ROBO2: variants seen among roughly 807,000 people sequenced by gnomAD.
The protein encoded by ROBO2 is roundabout guidance receptor 2.
In ROBO2, 53 loss-of-function variants were observed where a neutral mutation model predicts 160.8. That is an observed-to-expected ratio of 0.33 (90% CI 0.26 to 0.41). ROBO2 has a LOEUF of 0.41. ROBO2 is among the 10% of genes least tolerant of loss of function. The probability of loss-of-function intolerance (pLI) is 1.00; values close to 1 mark genes in which losing one functional copy is unlikely to be tolerated. For missense variants in ROBO2, 1,577 were observed against 1,722.4 expected (o/e 0.92, Z 1.49); for synonymous variants, 664 against 611.7 (o/e 1.09, Z -1.26).
At chr3:77,267,728 A>G (rs1314838191) in intron 2 of ROBO2, among the ~76,000 whole-genome samples, 1 of 152,188 alleles carries the variant, frequency 6.6e-6, no homozygotes, top group Non-Finnish European at 1.5e-5. Flanking sequence ...TGTAAAGTGC[A>G]TGCAATTTGT....
chr3:77,455,525 T>C (rs1050539139), intron 2 of ROBO2, among the ~76,000 whole-genome samples: 35 of 152,112 alleles, frequency 2.3e-4, no homozygotes, highest in African/African-American at 8.4e-4. Context: ...TCCAACTCCC[T>C]GGTTCAAGCT....
Position 76,461,607 on chromosome 3 carries a change from A to G in ROBO2, c.109+524005A>G, listed in dbSNP as rs78166263. Among the ~76,000 whole-genome samples, 1,292 of 152,326 alleles carry G rather than the reference A, an allele frequency of 8.5e-3. 16 individuals are homozygous for G. The highest frequency in any genetic ancestry group is 0.029 in the African/African-American group (1,186 of 41,578). ...GATAAAGAAGGAATTCTTAAGCAAG[A>G]TGATATTTCTAAAAGTGTTATTTAA... On this transcript the variant is annotated intron_variant, in intron 2 of 26. Transcript: ENST00000487694.
intron 2 of ROBO2, among the ~76,000 whole-genome samples, chr3:77,239,897 T>C (rs535125764): frequency 6.6e-6 from 1 of 151,942 alleles, no homozygotes; most frequent in South Asian, 2.1e-4. Context: ...ATTAGCTAGA[T>C]ACGGAGGGCT....
At chr3:77,414,306 G>A (rs565951081) in intron 2 of ROBO2, among the ~76,000 whole-genome samples, 2 of 152,182 alleles carry the variant, frequency 1.3e-5, no homozygotes, top group Non-Finnish European at 2.9e-5. Context: ...TTCCTGGAGT[G>A]GTACAAGGAA....
chr3:75,940,233 C>T lies in ROBO2; in HGVS notation c.109+2631C>T, dbSNP rs549393637. Among the ~76,000 whole-genome samples, 13 of 152,150 alleles carry T rather than the reference C, an allele frequency of 8.5e-5. No homozygotes were observed. In the South Asian group the frequency reaches 1.2e-3, roughly 15 times the overall value. On this transcript the variant is annotated intron_variant, in intron 2 of 26. Transcript: ENST00000487694. ...AAACGGAAGACAAAAAACGATTTAACGAGGAATGTAGATTAATATCATAGT... is the reference window on the plus strand; with the variant it reads ...AAACGGAAGACAAAAAACGATTTAATGAGGAATGTAGATTAATATCATAGT...
At chr3:76,133,212 G>A (rs1048706555) in intron 2 of ROBO2, among the ~76,000 whole-genome samples, 3 of 151,992 alleles carry the variant, frequency 2.0e-5, no homozygotes, top group Non-Finnish European at 4.4e-5. Flanking sequence ...TGTTGGAAAG[G>A]CCAGTAGTTT....
chr3:76,040,342 G>T (rs2067242009), intron 2 of ROBO2, among the ~76,000 whole-genome samples: 1 of 151,554 alleles, frequency 6.6e-6, no homozygotes, highest in Non-Finnish European at 1.5e-5. Flanking sequence ...AACAAAAATA[G>T]TGGCCCTAAA....
Position 76,566,474 on chromosome 3 carries a change from G to C in ROBO2, c.110-531540G>C, listed in dbSNP as rs186701538. On this transcript the variant is annotated intron_variant, in intron 2 of 26. Transcript: ENST00000487694. ...GAATCCCTACTTTCTCTTTTCTATT[G>C]CTCAAAACACTGTATCTTGAGAAAC... Among the ~76,000 whole-genome samples the C allele has an allele frequency of 2.0e-4, 30 of 152,124 alleles. No homozygotes were observed. The East Asian group carries it at 5.6e-3, about 28-fold the overall frequency.
intron 2 of ROBO2, among the ~76,000 whole-genome samples, chr3:76,821,987 T>G (rs2066161312): frequency 6.6e-6 from 1 of 151,972 alleles, no homozygotes; most frequent in East Asian, 1.9e-4. Flanking sequence ...ATAATGAAAC[T>G]CCAGTTTTAT....
chr3:76,650,212 A>G (rs1264368248), intron 2 of ROBO2, among the ~76,000 whole-genome samples: 2 of 152,192 alleles, frequency 1.3e-5, no homozygotes, highest in Non-Finnish European at 2.9e-5. Context: ...AACTGAAACC[A>G]AAGAAAACTC....
Position 76,532,315 on chromosome 3 carries a change from A to T in ROBO2, c.110-565699A>T, listed in dbSNP as rs1016181285. On this transcript the variant is annotated intron_variant, in intron 2 of 26. Coordinates refer to the ROBO2 transcript ENST00000487694. ...GACCTTTCCAGTTGAGTTATGACTG[A>T]TTTCCTCGGCAGCCTTAGAAACATC... 8.5e-5 allele frequency among the ~76,000 whole-genome samples: 13 copies of T among 152,310 alleles called. No individual in the cohort carries two copies. In the East Asian group the frequency reaches 1.5e-3, roughly 18 times the overall value.
At chr3:76,805,470 C>A (rs2064607882) in intron 2 of ROBO2, among the ~76,000 whole-genome samples, 3 of 151,414 alleles carry the variant, frequency 2.0e-5, no homozygotes, top group Admixed American at 6.6e-5. Context: ...ATTTTTTGTT[C>A]TAGAAATATA....
chr3:76,151,650 T>C lies in ROBO2; in HGVS notation c.109+214048T>C, dbSNP rs868541788. The stretch of plus-strand genomic sequence containing the variant: ...AGACTCCAGAACCTCAACTATGTAC[T>C]TTGTGAGCCTTCTGTTCTCTGTTGT... On this transcript the variant is annotated intron_variant, in intron 2 of 26. Transcript: ENST00000487694. Among the ~76,000 whole-genome samples the C allele has an allele frequency of 3.9e-5, 6 of 152,116 alleles. No homozygotes were observed. The South Asian group carries it at 6.2e-4, about 16-fold the overall frequency.
intron 2 of ROBO2, among the ~76,000 whole-genome samples, chr3:76,627,778 C>T (rs2089755006): frequency 6.6e-6 from 1 of 152,154 alleles, no homozygotes; most frequent in African/African-American, 2.4e-5. Context: ...GGAAAGCTCA[C>T]TTGTCTGCCT....
intron 2 of ROBO2, among the ~76,000 whole-genome samples, chr3:76,106,860 C>G (rs577818729): frequency 6.6e-6 from 1 of 152,074 alleles, no homozygotes; most frequent in Non-Finnish European, 1.5e-5. Context: ...TACTAGGCTG[C>G]GTGCATAATT....
At chr3:77,052,977 A>C (rs1305675396) in intron 1 of ROBO2, among the ~76,000 whole-genome samples, 2 of 152,180 alleles carry the variant, frequency 1.3e-5, no homozygotes, top group African/African-American at 2.4e-5. Flanking sequence ...TGTTATTTAT[A>C]TATGTATGCC....
At chr3:76,580,328 G>GTTTTTTTTTTTTTTTTTTTTT (rs748888426) in intron 2 of ROBO2, among the ~76,000 whole-genome samples, 10 of 67,320 alleles carry the variant, frequency 1.5e-4, no homozygotes, top group South Asian at 5.0e-4. Context: ...TTTTTTTTTT[G>GTTTTTTTTTTTTTTTTTTTTT]TTTTTTTTTT....
intron 2 of ROBO2, among the ~76,000 whole-genome samples, chr3:77,411,554 A>G (rs2076803384): frequency 6.6e-6 from 1 of 152,198 alleles, no homozygotes; most frequent in African/African-American, 2.4e-5. Context: ...AGAATGAGGA[A>G]GTCCTTCACA....
intron 2 of ROBO2, among the ~76,000 whole-genome samples, chr3:77,469,082 A>C (rs945878902): frequency 6.6e-6 from 1 of 152,232 alleles, no homozygotes; most frequent in East Asian, 1.9e-4. Context: ...GTTTCTTGTG[A>C]ATGACAATCT....
Sources: allele counts gnomAD v4.1 joint callset (sites outside exome capture counted in the v4.1 genomes callset), GRCh38; gene constraint gnomAD v4.1.1; transcripts MANE v1.5; gene names NCBI Gene and HGNC (gene_info 2026-07-23, HGNC 2026-07-21).